The following YWHAB variants were observed in gnomAD, a reference collection of about 807,000 sequenced individuals.
The protein encoded by YWHAB is 14-3-3 protein beta/alpha.
In YWHAB, 2 loss-of-function variants were observed where a neutral mutation model predicts 28.5. The observed-to-expected ratio is 0.07, with a 90% confidence interval of 0.03 to 0.22. The LOEUF (loss-of-function observed/expected upper bound fraction) is 0.22, where lower values mean the gene tolerates loss of function less well. Among genes scored for constraint, YWHAB ranks in the 10% least tolerant of loss-of-function variants. YWHAB has a pLI of 1.00. For synonymous variants in YWHAB, 103 were observed against 104.7 expected (o/e 0.98, Z 0.10); for missense variants, 148 against 297.1 (o/e 0.50, Z 3.69).
intron 1 of YWHAB, among the ~76,000 whole-genome samples, chr20:44,899,436 C>T (rs1433092040): frequency 6.6e-6 from 1 of 152,186 alleles, no homozygotes; most frequent in East Asian, 1.9e-4. Context: ...ACCGAGATCC[C>T]ACCACTGTAC....
chr20:44,905,922 T>C (rs1238908737), intron 4 of YWHAB, 79 bp from the exon 5 acceptor site: 2 of 1,068,672 alleles, frequency 1.9e-6, no homozygotes, highest in African/African-American at 3.1e-5. Context: ...ATAAGTTATA[T>C]TCACCTAGCG....
intron 1 of YWHAB, among the ~76,000 whole-genome samples, chr20:44,891,584 A>G (rs187601015): frequency 7.1e-4 from 108 of 152,322 alleles, no homozygotes; most frequent in Non-Finnish European, 1.4e-3. Flanking sequence ...GAATTAACAT[A>G]GTGTCTTTTG....
chr20:44,900,658 C>T (rs948291117), intron 1 of YWHAB, among the ~76,000 whole-genome samples: 2 of 152,142 alleles, frequency 1.3e-5, no homozygotes, highest in African/African-American at 4.8e-5. Context: ...TAGTCAAAAC[C>T]AGAGTTGCTT....
chr20:44,905,901 T>C lies in YWHAB; in HGVS notation c.589-100T>C, dbSNP rs557983598. ...AATAGCCTAGGTTCCCCCAAAGTAC[T>C]GTACAAGAAGATAAGTTATATTCAC... On this transcript the variant is annotated intron_variant, in intron 4 of 5. Coordinates refer to ENST00000353703, the MANE Select transcript of YWHAB (RefSeq NM_139323.4). 7.2e-6 allele frequency: 6 copies of C among 837,888 alleles called. No homozygotes were observed. In the East Asian group the frequency reaches 1.5e-4, roughly 20 times the overall value. 51.9% of individuals were successfully genotyped at this position (837,888 alleles called of 1,614,324 possible). A position where few individuals can be genotyped will look rare whatever the true frequency, so the allele number is the denominator to read the frequency against.
rs1310417982 is a variant in YWHAB, at chr20:44,885,735, G to A, written c.-155G>A. 1.7e-5 allele frequency: 3 copies of A among 177,418 alleles called. No individual in the cohort carries two copies. The highest frequency in any genetic ancestry group is 4.9e-5 in the African/African-American group (2 of 40,734). The allele number at this position is 177,418 out of a possible 1,614,324, so 11.0% of individuals were successfully genotyped here. On this transcript the variant is annotated 5_prime_UTR_variant, in exon 1 of 6. Transcript: ENST00000353703. Reference sequence around the variant, plus strand: ...TGGAGCTACCGCCACCGCCGCCGCCGATTCCGGAGCCGGGGTAGTCGCCGC... The same window carrying A: ...TGGAGCTACCGCCACCGCCGCCGCCAATTCCGGAGCCGGGGTAGTCGCCGC...
chr20:44,905,978 T>G lies in YWHAB; in HGVS notation c.589-23T>G, dbSNP rs777490924. 32 of 1,598,336 alleles carry G rather than the reference T, an allele frequency of 2.0e-5. No individual in the cohort carries two copies. In the Admixed American group the frequency reaches 2.2e-4, roughly 11 times the overall value. The stretch of plus-strand genomic sequence containing the variant: ...TAGCTCCAGAGAACTTGTGAATTCT[T>G]TGCTAAAGGCTCTTTGTTTTAGGCA... On this transcript the variant is annotated intron_variant, in intron 4 of 5. Coordinates refer to ENST00000353703, the MANE Select transcript of YWHAB (RefSeq NM_139323.4).
In YWHAB at chr20:44,908,352, C is replaced by T. The variant is rs1166108382; in HGVS notation, c.*1914C>T. The stretch of plus-strand genomic sequence containing the variant: ...TTTGCTTCTGTGATGGTTATATTGC[C>T]TAGCAAGCACACCCGTGGTTGTGAA... On this transcript the variant is annotated 3_prime_UTR_variant, in exon 6 of 6. Coordinates refer to ENST00000353703, the MANE Select transcript of YWHAB (RefSeq NM_139323.4). 1.0e-4 allele frequency: 16 copies of T among 152,466 alleles called. No homozygotes were observed. The highest frequency in any genetic ancestry group is 3.9e-4 in the African/African-American group (16 of 41,384). 9.4% of individuals were successfully genotyped at this position (152,466 alleles called of 1,614,324 possible). A position where few individuals can be genotyped will look rare whatever the true frequency, so the allele number is the denominator to read the frequency against.
intron 1 of YWHAB, among the ~76,000 whole-genome samples, chr20:44,901,006 C>A (rs1465095885): frequency 2.6e-5 from 4 of 152,142 alleles, no homozygotes; most frequent in Admixed American, 2.6e-4. Flanking sequence ...GAACTCCTGA[C>A]CTCGTGAATT....
chr20:44,904,375 C>G (rs1482534147), intron 3 of YWHAB, among the ~76,000 whole-genome samples: 1 of 152,152 alleles, frequency 6.6e-6, no homozygotes, highest in Non-Finnish European at 1.5e-5. Context: ...TTTGTTAGCT[C>G]TCTTTTTAGC....
intron 1 of YWHAB, chr20:44,886,215 C>T (rs1468903114): frequency 6.6e-6 from 1 of 152,532 alleles, no homozygotes; most frequent in Non-Finnish European, 1.5e-5. Context: ...CCCCACGCGA[C>T]CCCTCCCTGC....
chr20:44,891,575 A>G (rs2066562337), intron 1 of YWHAB, among the ~76,000 whole-genome samples: 1 of 152,232 alleles, frequency 6.6e-6, no homozygotes, highest in Non-Finnish European at 1.5e-5. Flanking sequence ...TATGGATCAG[A>G]ATTAACATAG....
At chr20:44,896,883 C>G (rs1429901347) in intron 1 of YWHAB, among the ~76,000 whole-genome samples, 1 of 152,174 alleles carries the variant, frequency 6.6e-6, no homozygotes, top group Non-Finnish European at 1.5e-5. Flanking sequence ...CCATCAGGAC[C>G]TTTAGCTATG....
chr20:44,903,184 T>A (rs1407152166), intron 2 of YWHAB: 1 of 774,626 alleles, frequency 1.3e-6, no homozygotes, highest in Non-Finnish European at 1.6e-6. Context: ...GAGTGCTTAC[T>A]ACGTGCCAGG....
chr20:44,901,162 C>G (rs1025215058), intron 1 of YWHAB, among the ~76,000 whole-genome samples: 5 of 152,182 alleles, frequency 3.3e-5, no homozygotes, highest in African/African-American at 9.7e-5. Flanking sequence ...AACAAAAGCT[C>G]TAGAGCCAGA....
chr20:44,897,326 T>C (rs550520623), intron 1 of YWHAB, among the ~76,000 whole-genome samples: 1 of 152,318 alleles, frequency 6.6e-6, no homozygotes, highest in South Asian at 2.1e-4. Flanking sequence ...GGCCAGTACT[T>C]TATGATTTGG....
intron 1 of YWHAB, among the ~76,000 whole-genome samples, chr20:44,899,151 C>T (rs924542728): frequency 2.0e-5 from 3 of 150,794 alleles, no homozygotes; most frequent in African/African-American, 7.3e-5. Flanking sequence ...ATTGTGATAC[C>T]ATGTATGTAG....
intron 1 of YWHAB, among the ~76,000 whole-genome samples, chr20:44,895,726 C>T (rs2066592066): frequency 6.6e-6 from 1 of 152,186 alleles, no homozygotes; most frequent in Non-Finnish European, 1.5e-5. Context: ...CTTTGGCCTC[C>T]AAAAGCACTG....
At chr20:44,896,619 G>A (rs2066597408) in intron 1 of YWHAB, among the ~76,000 whole-genome samples, 1 of 152,246 alleles carries the variant, frequency 6.6e-6, no homozygotes. Context: ...AGTGACTTGA[G>A]CAGAGTTATA....
At chr20:44,900,784 C>G (rs997320522) in intron 1 of YWHAB, among the ~76,000 whole-genome samples, 6 of 151,580 alleles carry the variant, frequency 4.0e-5, no homozygotes, top group African/African-American at 1.5e-4. Flanking sequence ...TAAGCATAAA[C>G]TTTTTTTTTG....
Sources: allele counts gnomAD v4.1 joint callset (sites outside exome capture counted in the v4.1 genomes callset), GRCh38; gene constraint gnomAD v4.1.1; transcripts MANE v1.5; gene names NCBI Gene and HGNC (gene_info 2026-07-23, HGNC 2026-07-21).